PDE1A: variants seen among roughly 807,000 people sequenced by gnomAD.
PDE1A encodes dual specificity calcium/calmodulin-dependent 3',5'-cyclic nucleotide phosphodiesterase 1A.
A neutral mutation model predicts 61.7 loss-of-function variants in PDE1A; 35 were observed. The observed-to-expected ratio is 0.57, with a 90% CI of 0.43 to 0.75. The LOEUF is 0.75. Ranked by LOEUF, PDE1A falls within the 30% of genes least tolerant of loss-of-function variation. The pLI, the probability that PDE1A is intolerant of heterozygous loss-of-function variation, is 0.00. For missense variants in PDE1A, 597 were observed against 630.6 expected (o/e 0.95, Z 0.57); for synonymous variants, 232 against 213.2 (o/e 1.09, Z -0.77).
intron 6 of PDE1A, among the ~76,000 whole-genome samples, chr2:182,224,380 A>T (rs1286667652): frequency 6.6e-6 from 1 of 151,916 alleles, no homozygotes; most frequent in Non-Finnish European, 1.5e-5. Flanking sequence ...CTATGAAAAA[A>T]AATTTCATCT....
intron 2 of PDE1A, among the ~76,000 whole-genome samples, chr2:182,496,144 A>G (rs150042964): frequency 1.3e-5 from 2 of 152,368 alleles, no homozygotes; most frequent in African/African-American, 4.8e-5. Context: ...TAAGTAACCT[A>G]GTTTAATATT....
intron 1 of PDE1A, among the ~76,000 whole-genome samples, chr2:182,291,759 A>G (rs546700008): frequency 6.6e-6 from 1 of 152,296 alleles, no homozygotes; most frequent in South Asian, 2.1e-4. Context: ...GTCCTGGATA[A>G]AGACAGAGCT....
chr2:182,145,296 G>C (rs1341803920), downstream of PDE1A, among the ~76,000 whole-genome samples: 1 of 152,074 alleles, frequency 6.6e-6, no homozygotes, highest in African/African-American at 2.4e-5. Flanking sequence ...TTTCCCAGAA[G>C]ACTGTGCACC....
At chr2:182,465,413 ATTTT>A in intron 2 of PDE1A, among the ~76,000 whole-genome samples, 1 of 151,138 alleles carries the variant, frequency 6.6e-6, no homozygotes, top group Middle Eastern at 3.4e-3. Context: ...AAAAATTTTA[ATTTT>A]TTTTTTAAAT....
the PDE1A span, among the ~76,000 whole-genome samples, chr2:182,598,182 T>C: frequency 1.5e-4 from 23 of 152,232 alleles, no homozygotes; most frequent in Non-Finnish European, 2.6e-4. Flanking sequence ...ATTTATTCCT[T>C]CTTCTGTTCA....
chr2:182,156,016 T>C (rs1339224513), intron 13 of PDE1A, among the ~76,000 whole-genome samples: 1 of 152,176 alleles, frequency 6.6e-6, no homozygotes, highest in East Asian at 1.9e-4. Context: ...AATGGTTTTA[T>C]AAATGGGAAC....
At chr2:182,589,300 GA>G in the PDE1A span, among the ~76,000 whole-genome samples, 1 of 149,452 alleles carries the variant, frequency 6.7e-6, no homozygotes, top group African/African-American at 2.4e-5. Context: ...AGGAAGGAAG[GA>G]AGGAAGGAAA....
chr2:182,234,390 A>T (rs181036821), intron 4 of PDE1A, 42 bp downstream of exon 4: 459 of 1,390,146 alleles, frequency 3.3e-4, no homozygotes, highest in East Asian at 4.4e-4. Context: ...AGAATTTTTT[A>T]AAATGACCAT....
intron 1 of PDE1A, among the ~76,000 whole-genome samples, chr2:182,269,263 T>C (rs912884937): frequency 4.6e-5 from 7 of 151,830 alleles, no homozygotes; most frequent in African/African-American, 1.7e-4. Flanking sequence ...CCGAAGCGGG[T>C]GGATCACCTG....
the PDE1A span, among the ~76,000 whole-genome samples, chr2:182,537,226 C>T: frequency 6.6e-6 from 1 of 152,148 alleles, no homozygotes; most frequent in Non-Finnish European, 1.5e-5. Flanking sequence ...TTAGATTTTA[C>T]ATTGATATTG....
chr2:182,185,981 A>C, exon 13 of PDE1A: 2 of 1,614,090 alleles, frequency 1.2e-6, no homozygotes, highest in Non-Finnish European at 8.5e-7. Flanking sequence ...CACTGCTGCA[A>C]GGGAGTAGTC....
the PDE1A span, among the ~76,000 whole-genome samples, chr2:182,693,082 C>T: frequency 0.56 from 84,963 of 151,608 alleles, 24,960 homozygotes; most frequent in Middle Eastern, 0.7. Context: ...AGAGAGAGAC[C>T]CTGTCTCCAA....
chr2:182,199,514 T>G (rs1039597907), intron 10 of PDE1A, among the ~76,000 whole-genome samples: 1 of 152,080 alleles, frequency 6.6e-6, no homozygotes, highest in Non-Finnish European at 1.5e-5. Flanking sequence ...GTTTTCAAAA[T>G]CATTCAACTT....
rs1054167190 is a variant in PDE1A at position 182,275,650 on chromosome 2, G to A, written c.54-11236C>T. Among the ~76,000 whole-genome samples, 9 of 152,044 alleles carry A rather than the reference G, an allele frequency of 5.9e-5. No individual in the cohort carries two copies. The South Asian group carries it at 1.2e-3, about 21-fold the overall frequency. The stretch of plus-strand genomic sequence containing the variant: ...TGATTAAAGGGCCAAGGTTTAGCAA[G>A]GCTGTTTAGTTAACTTGCAGATTTT... On this transcript the variant is annotated intron_variant, in intron 1 of 13. Coordinates refer to ENST00000351439, the Ensembl canonical transcript of PDE1A.
chr2:182,486,140 T>A (rs1329220489), intron 2 of PDE1A, among the ~76,000 whole-genome samples: 1 of 151,778 alleles, frequency 6.6e-6, no homozygotes, highest in African/African-American at 2.4e-5. Flanking sequence ...ATAAAAAAAA[T>A]TCAAATGTAT....
chr2:182,317,693 A>T (rs1208477419), intron 1 of PDE1A, among the ~76,000 whole-genome samples: 1 of 152,146 alleles, frequency 6.6e-6, no homozygotes, highest in African/African-American at 2.4e-5. Context: ...CTACTAGGAG[A>T]CAGCCAGTGT....
At chr2:182,443,761 T>C (rs1022926229) in intron 2 of PDE1A, among the ~76,000 whole-genome samples, 10 of 150,714 alleles carry the variant, frequency 6.6e-5, no homozygotes, top group South Asian at 4.2e-4. Flanking sequence ...TGGAGTTTAA[T>C]GGTGTGATCT....
chr2:182,657,450 T>TATATAAAAA, the PDE1A span, among the ~76,000 whole-genome samples: 3 of 152,114 alleles, frequency 2.0e-5, no homozygotes, highest in Non-Finnish European at 4.4e-5. Context: ...GATAAACAAA[T>TATATAAAAA]ATATAAAAAA....
At chr2:182,649,872 T>C in the PDE1A span, among the ~76,000 whole-genome samples, 4 of 152,132 alleles carry the variant, frequency 2.6e-5, no homozygotes, top group East Asian at 7.7e-4. Context: ...CCTCCCAAAG[T>C]GCTGGGATTA....
Sources: gnomAD v4.1 joint callset for allele counts (sites outside exome capture counted in the v4.1 genomes callset) on GRCh38, gnomAD v4.1.1 for gene constraint, MANE v1.5 for transcripts, NCBI Gene and HGNC (gene_info 2026-07-23, HGNC 2026-07-21) for gene names.